Variants in STAU2 observed in about 807,000 individuals in gnomAD.
STAU2 encodes the protein staufen double-stranded RNA binding protein 2.
STAU2 carries 20 observed loss-of-function variants against 65.9 expected under a neutral mutation model. The ratio of observed to expected loss-of-function variants is 0.30; its 90% CI spans 0.21 to 0.44. STAU2 has a LOEUF of 0.44. Ranked by LOEUF, STAU2 falls within the 20% of genes least tolerant of loss-of-function variation. The probability of loss-of-function intolerance (pLI) is 1.00; values close to 1 mark genes in which losing one functional copy is unlikely to be tolerated. For synonymous variants in STAU2, 232 were observed against 233.9 expected (o/e 0.99, Z 0.07); for missense variants, 558 against 683.9 (o/e 0.82, Z 2.05).
chr8:73,532,948 C>T (rs1375694033), intron 13 of STAU2, among the ~76,000 whole-genome samples: 3 of 152,188 alleles, frequency 2.0e-5, no homozygotes, highest in African/African-American at 7.2e-5. Context: ...TTAGGTTGAA[C>T]CAATATGCAC....
chr8:73,527,634 G>A, intron 13 of STAU2: 2 of 1,325,708 alleles, frequency 1.5e-6, no homozygotes, highest in Non-Finnish European at 2.1e-6. Context: ...CCATTTTGAT[G>A]GCCTTCCATT....
At chr8:73,549,840 T>C (rs2128942038) in intron 13 of STAU2, 1 of 932,456 alleles carries the variant, frequency 1.1e-6, no homozygotes, top group Non-Finnish European at 1.3e-6. Flanking sequence ...AACAGAATAG[T>C]GTATAATCTG....
chr8:73,613,486 G>A (rs1157613299), intron 9 of STAU2, among the ~76,000 whole-genome samples: 2 of 152,064 alleles, frequency 1.3e-5, no homozygotes, highest in Non-Finnish European at 2.9e-5. Context: ...TGACATGAAT[G>A]GTAAAGCACT....
At chr8:73,646,938 G>GACACACCCACACACACACACAC (rs1815423117) in intron 6 of STAU2, among the ~76,000 whole-genome samples, 1 of 143,968 alleles carries the variant, frequency 6.9e-6, no homozygotes, top group African/African-American at 2.5e-5. Context: ...CACACAGCCA[G>GACACACCCACACACACACACAC]ACACACACAC....
chr8:73,747,458 C>T (rs750819811), upstream of STAU2: 2 of 1,534,688 alleles, frequency 1.3e-6, no homozygotes, highest in South Asian at 2.4e-5. Flanking sequence ...CTGCTCCGGC[C>T]GCCGCTGTGC....
intron 5 of STAU2, 86 bp downstream of exon 5, chr8:73,688,568 C>T: frequency 6.9e-7 from 1 of 1,452,118 alleles, no homozygotes; most frequent in Non-Finnish European, 9.6e-7. Context: ...TACTTGCTCA[C>T]TCTGTTACTA....
At chr8:73,516,364 A>C (rs560982547) in intron 13 of STAU2, among the ~76,000 whole-genome samples, 99 of 152,164 alleles carry the variant, frequency 6.5e-4, no homozygotes, top group African/African-American at 2.3e-3. Context: ...CTTGCCCTTA[A>C]AATTTAATTT....
At chr8:73,443,849 TAA>T (rs11452845) in intron 13 of STAU2, among the ~76,000 whole-genome samples, 3 of 143,490 alleles carry the variant, frequency 2.1e-5, no homozygotes, top group Non-Finnish European at 1.5e-5. Flanking sequence ...CCCTGTCTCT[TAA>T]AAAAAAAAAA....
intron 4 of STAU2, 88 bp from the exon 5 acceptor site, chr8:73,688,901 A>C: frequency 6.7e-7 from 1 of 1,491,318 alleles, no homozygotes; most frequent in East Asian, 2.3e-5. Context: ...AACATCATAG[A>C]ATCAGAATTT....
intron 6 of STAU2, among the ~76,000 whole-genome samples, chr8:73,665,497 C>T (rs1044086353): frequency 4.6e-5 from 7 of 152,112 alleles, no homozygotes; most frequent in Non-Finnish European, 8.8e-5. Context: ...ATGACTTTTT[C>T]CTATTGGGTT....
At chr8:73,732,796 C>T (rs1238181903) in intron 3 of STAU2, 1 of 152,154 alleles carries the variant, frequency 6.6e-6, no homozygotes, top group Non-Finnish European at 1.5e-5. Flanking sequence ...CAATGATCTA[C>T]CTAAATGTCT....
chr8:73,718,340 T>C (rs1821399534), intron 3 of STAU2, among the ~76,000 whole-genome samples: 1 of 152,226 alleles, frequency 6.6e-6, no homozygotes, highest in Admixed American at 6.5e-5. Context: ...AAACACTATA[T>C]GGCACTTAAA....
chr8:73,525,496 G>A (rs1324394868), intron 13 of STAU2, among the ~76,000 whole-genome samples: 1 of 152,086 alleles, frequency 6.6e-6, no homozygotes, highest in African/African-American at 2.4e-5. Flanking sequence ...TGAGTACCTT[G>A]GCATAGGAAC....
intron 1 of STAU2, among the ~76,000 whole-genome samples, chr8:73,746,103 C>G (rs1176184997): frequency 1.3e-5 from 2 of 152,176 alleles, no homozygotes; most frequent in African/African-American, 4.8e-5. Flanking sequence ...GAGTTCGTAA[C>G]AGCCACAGCA....
intron 3 of STAU2, among the ~76,000 whole-genome samples, chr8:73,735,789 T>C (rs1266461328): frequency 6.6e-6 from 1 of 152,218 alleles, no homozygotes; most frequent in African/African-American, 2.4e-5. Flanking sequence ...TGATTCAACA[T>C]GACCTGCAAC....
At chr8:73,561,548 G>C (rs1808231963) in intron 12 of STAU2, 1 of 454,728 alleles carries the variant, frequency 2.2e-6, no homozygotes, top group South Asian at 1.6e-5. Context: ...CCCTACGACA[G>C]AAAAACACCA....
At chr8:73,743,692 C>G (rs961991990) in intron 1 of STAU2, among the ~76,000 whole-genome samples, 1 of 151,262 alleles carries the variant, frequency 6.6e-6, no homozygotes, top group Non-Finnish European at 1.5e-5. Flanking sequence ...AGGCTGGTCT[C>G]GAACCCCCAA....
intron 6 of STAU2, among the ~76,000 whole-genome samples, chr8:73,657,944 G>A (rs967769123): frequency 1.3e-5 from 2 of 152,040 alleles, no homozygotes; most frequent in Non-Finnish European, 2.9e-5. Flanking sequence ...AACCCAGGAG[G>A]CGGAGGTTGC....
At chr8:73,699,158 T>C (rs1819900066) in intron 4 of STAU2, among the ~76,000 whole-genome samples, 1 of 151,898 alleles carries the variant, frequency 6.6e-6, no homozygotes, top group African/African-American at 2.4e-5. Context: ...CCAAAGCCTA[T>C]GGGATACAGC....
Sources: gnomAD v4.1 joint callset for allele counts (sites outside exome capture counted in the v4.1 genomes callset) on GRCh38, gnomAD v4.1.1 for gene constraint, MANE v1.5 for transcripts, NCBI Gene and HGNC (gene_info 2026-07-23, HGNC 2026-07-21) for gene names.